Variants in ABCC12 observed in about 807,000 individuals in gnomAD.
The protein encoded by ABCC12 is ATP-binding cassette sub-family C member 12.
ABCC12 carries 142 observed loss-of-function variants against 151.1 expected under a neutral mutation model. The observed-to-expected ratio is 0.94, with a 90% CI of 0.82 to 1.08. The LOEUF (loss-of-function observed/expected upper bound fraction) is 1.08. Ranked by LOEUF, ABCC12 falls within the 50% of genes least tolerant of loss-of-function variation. ABCC12 has a pLI of 0.00. For synonymous variants in ABCC12, 645 were observed against 646.4 expected, an observed-to-expected ratio of 1.00 and a Z score of 0.03; for missense variants, 1,638 against 1,691.1, an observed-to-expected ratio of 0.97 and a Z score of 0.55.
At chr16:48,094,127 T>C (rs1056868157) in intron 24 of ABCC12, among the ~76,000 whole-genome samples, 36 of 152,220 alleles carry the variant, frequency 2.4e-4, no homozygotes, top group Middle Eastern at 3.2e-3. Flanking sequence ...AAAGCTGTTT[T>C]ACTTGGACCA....
intron 1 of ABCC12, among the ~76,000 whole-genome samples, chr16:48,154,577 C>T (rs919286020): frequency 2.0e-5 from 3 of 152,202 alleles, no homozygotes; most frequent in African/African-American, 4.8e-5. Context: ...TGCATTGGCA[C>T]TGCTGTCTTC....
chr16:48,140,833 C>G lies in ABCC12; in HGVS notation c.511G>C (p.Ala171Pro), dbSNP rs749378392. ...AAGAAGACTTTGGTAAACTCGGTGG[C>G]AAAAAGGGCTATGCACAGTCCAATG... is the stretch of plus-strand genomic sequence containing the variant. Reference protein sequence around the residue: ...VGIGLCIALFATEFTKVFFWA... With the variant: ...VGIGLCIALFPTEFTKVFFWA... The change falls in exon 6 of 31, where the codon GCC (alanine) becomes CCC (proline). Residue 171 changes from alanine to proline, a missense_variant. By Grantham distance (27) the Ala-to-Pro change is conservative. Coordinates refer to ENST00000311303, the MANE Select transcript of ABCC12 (RefSeq NM_001393797.1). The G allele has an allele frequency of 6.2e-7, 1 of 1,613,744 alleles. No homozygotes were observed. Among genetic ancestry groups the G allele is most frequent in the Non-Finnish European group, 8.5e-7 (1 of 1,180,002 alleles).
chr16:48,089,963 G>C (rs977655064), intron 25 of ABCC12, among the ~76,000 whole-genome samples: 8 of 152,000 alleles, frequency 5.3e-5, no homozygotes, highest in Non-Finnish European at 2.9e-5. Context: ...ACTCAAGAAG[G>C]TTTGTTGTTA....
intron 20 of ABCC12, among the ~76,000 whole-genome samples, chr16:48,106,955 G>T (rs1963514049): frequency 6.6e-6 from 1 of 152,240 alleles, no homozygotes; most frequent in Non-Finnish European, 1.5e-5. Flanking sequence ...TCCGTAACAA[G>T]ATGCCAGTTT....
intron 24 of ABCC12, 107 bp from the exon 25 acceptor site, chr16:48,091,316 C>G: frequency 5.2e-6 from 5 of 956,670 alleles, no homozygotes; most frequent in Non-Finnish European, 8.5e-6. Flanking sequence ...CCCTGCCTAG[C>G]GCAAGACAGC....
intron 15 of ABCC12, among the ~76,000 whole-genome samples, chr16:48,112,322 G>A (rs531842910): frequency 3.9e-5 from 6 of 152,308 alleles, no homozygotes; most frequent in Admixed American, 6.5e-5. Flanking sequence ...ATGGCCAGGC[G>A]CAGTGGCTCA....
chr16:48,139,173 A>G lies in ABCC12; in HGVS notation c.821T>C (p.Ile274Thr). 6.3e-7 allele frequency: 1 copy of G among 1,597,300 alleles called. No individual in the cohort carries two copies. The highest frequency in any genetic ancestry group is 8.5e-7 in the Non-Finnish European group (1 of 1,174,960). Residue 274 changes from isoleucine (I) to threonine (T), a missense_variant, in exon 7 of 31, where the codon ATA (isoleucine) becomes ACA (threonine). Coordinates refer to ENST00000311303, the MANE Select transcript of ABCC12 (RefSeq NM_001393797.1). Reference protein sequence around the residue: ...LIGISVYVIFIPVQMFMAKLN... With the variant: ...LIGISVYVIFTPVQMFMAKLN... Reference sequence around the variant, plus strand: ...AAAGCCTGCCGTTACCTGGACGGGTATGAATATGACATACACTGATATCCC... The same window carrying G: ...AAAGCCTGCCGTTACCTGGACGGGTGTGAATATGACATACACTGATATCCC...
At chr16:48,107,822 T>C (rs1322888889) in intron 19 of ABCC12, among the ~76,000 whole-genome samples, 1 of 152,074 alleles carries the variant, frequency 6.6e-6, no homozygotes, top group African/African-American at 2.4e-5. Context: ...GCCAACATGG[T>C]GAAACCTCGT....
chr16:48,111,530 A>G, intron 17 of ABCC12, 23 bp from the exon 18 acceptor site: 1 of 1,614,068 alleles, frequency 6.2e-7, no homozygotes, highest in Non-Finnish European at 8.5e-7. Context: ...ATAAAGAGAG[A>G]TCTGTGTCCA....
chr16:48,108,106 A>G (rs1442024603), intron 19 of ABCC12, among the ~76,000 whole-genome samples: 1 of 152,214 alleles, frequency 6.6e-6, no homozygotes, highest in Non-Finnish European at 1.5e-5. Flanking sequence ...CATGTTTTGC[A>G]CACTGAGATG....
At chr16:48,144,162 T>A in intron 3 of ABCC12, 97 bp from the exon 4 acceptor site, 1 of 1,417,078 alleles carries the variant, frequency 7.1e-7, no homozygotes. Context: ...CAACCACAGC[T>A]GCACTCAGAA....
intron 15 of ABCC12, among the ~76,000 whole-genome samples, chr16:48,113,019 T>C (rs1295470229): frequency 6.6e-6 from 1 of 152,112 alleles, no homozygotes; most frequent in Non-Finnish European, 1.5e-5. Flanking sequence ...TCAAGGAAGC[T>C]CCCTCCTAGA....
chr16:48,084,985 A>G (rs1219769948), intron 29 of ABCC12, among the ~76,000 whole-genome samples: 8 of 151,938 alleles, frequency 5.3e-5, no homozygotes, highest in Admixed American at 5.2e-4. Flanking sequence ...GATGAGCTGG[A>G]TATGGAGACT....
At position 48,120,464 on chromosome 16, in the gene ABCC12, T is replaced by C. The variant is rs548278798; in HGVS notation, c.1712+1252A>G. ...AAACTGTACCCCCTGAATCTAATGT[T>C]AAAATTAAAATTTAGAAAACTCAAA... On this transcript the variant is annotated intron_variant, in intron 13 of 30. Coordinates refer to ENST00000311303, the MANE Select transcript of ABCC12 (RefSeq NM_001393797.1). Among the ~76,000 whole-genome samples, 4 of 152,164 alleles carry C rather than the reference T, an allele frequency of 2.6e-5. No individual in the cohort carries two copies. The East Asian group carries it at 7.7e-4, about 29-fold the overall frequency.
intron 23 of ABCC12, among the ~76,000 whole-genome samples, chr16:48,098,376 C>A (rs919774979): frequency 1.3e-5 from 2 of 152,152 alleles, no homozygotes; most frequent in African/African-American, 4.8e-5. Context: ...TACAATTCCT[C>A]CCCTGGCATA....
chr16:48,139,045 G>GT (rs1964709029), intron 7 of ABCC12, 118 bp downstream of exon 7: 1 of 1,177,380 alleles, frequency 8.5e-7, no homozygotes, highest in African/African-American at 1.5e-5. Flanking sequence ...AAGTAAATCT[G>GT]TGAGTACAAA....
intron 27 of ABCC12, 62 bp downstream of exon 27, chr16:48,087,864 T>C: frequency 1.3e-6 from 2 of 1,560,520 alleles, no homozygotes; most frequent in Non-Finnish European, 8.7e-7. Flanking sequence ...CATCACAAAG[T>C]TCTTGGTCAG....
intron 25 of ABCC12, among the ~76,000 whole-genome samples, chr16:48,090,280 T>A (rs889221022): frequency 1.3e-5 from 2 of 152,052 alleles, no homozygotes; most frequent in African/African-American, 4.8e-5. Flanking sequence ...CAGGCTGGAG[T>A]GCAATGGCAT....
chr16:48,152,842 G>C (rs1288810833), intron 2 of ABCC12, among the ~76,000 whole-genome samples: 1 of 152,180 alleles, frequency 6.6e-6, no homozygotes, highest in East Asian at 1.9e-4. Flanking sequence ...AACGTCAATT[G>C]CACGAAAGAC....
Sources: gnomAD v4.1 joint callset for allele counts (sites outside exome capture counted in the v4.1 genomes callset) on GRCh38, gnomAD v4.1.1 for gene constraint, MANE v1.5 for transcripts, NCBI Gene and HGNC (gene_info 2026-07-23, HGNC 2026-07-21) for gene names.